ZNF862: variants seen among roughly 807,000 people sequenced by gnomAD.
ZNF862 encodes zinc finger protein 862.
A neutral mutation model predicts 91.1 loss-of-function variants in ZNF862; 64 were observed. The observed-to-expected ratio is 0.70, with a 90% confidence interval of 0.57 to 0.87. The LOEUF is 0.87. Ranked by LOEUF, ZNF862 falls within the 40% of genes least tolerant of loss-of-function variation. ZNF862 has a pLI of 0.00. For missense variants in ZNF862, 1,459 were observed against 1,528.0 expected, an observed-to-expected ratio of 0.95 and a Z score of 0.75; for synonymous variants, 631 against 618.1, an observed-to-expected ratio of 1.02 and a Z score of -0.31.
chr7:149,854,577 G>T (rs1397953850), intron 5 of ZNF862, among the ~76,000 whole-genome samples: 4 of 152,216 alleles, frequency 2.6e-5, no homozygotes, highest in Non-Finnish European at 5.9e-5. Context: ...AACTCTGCAG[G>T]TGGGGAGTCC....
intron 6 of ZNF862, 140 bp from the exon 7 acceptor site, chr7:149,860,243 A>C (rs1802414752): frequency 2.6e-6 from 2 of 764,676 alleles, no homozygotes; most frequent in South Asian, 3.8e-5. Context: ...AGTGGACGCC[A>C]CTTTCTCTAG....
rs1397093707 is a variant in ZNF862 at position 149,861,854 on chromosome 7, G to T, written c.2694G>T (p.Lys898Asn). 1 of 1,613,756 alleles carries T rather than the reference G, an allele frequency of 6.2e-7. No individual in the cohort carries two copies. Among genetic ancestry groups the T allele is most frequent in the East Asian group, 2.2e-5 (1 of 44,852 alleles). The change falls in exon 7 of 8, where the codon AAG (lysine) becomes AAT (asparagine). Residue 898 changes from lysine (K) to asparagine (N), a missense_variant. Coordinates refer to ENST00000223210, the MANE Select transcript of ZNF862 (RefSeq NM_001099220.3). This position sits in a 1 kb window ranked among gnomAD's most constrained non-coding sequence, Gnocchi z 6.7. ...PKEEEFNASF[K>N]DGRLHGICLD... Reference sequence around the variant, plus strand: ...AGGAAGAATTCAACGCCAGCTTCAAGGATGGGCGGCTCCACGGCATCTGCT... The same window carrying T: ...AGGAAGAATTCAACGCCAGCTTCAATGATGGGCGGCTCCACGGCATCTGCT...
At chr7:149,840,225 AAATACAAAACCTCAT>A (rs1327620211) in intron 1 of ZNF862, among the ~76,000 whole-genome samples, 2 of 150,396 alleles carry the variant, frequency 1.3e-5, no homozygotes, top group Non-Finnish European at 3.0e-5. Context: ...AAAAATTTAA[AAATACAAAACCTCAT>A]AGAATTAGAA....
chr7:149,847,694 A>G (rs751479538), intron 3 of ZNF862, 41 bp from the exon 4 acceptor site: 9 of 1,500,488 alleles, frequency 6.0e-6, no homozygotes, highest in Admixed American at 4.2e-5. Context: ...GGCTCTAACT[A>G]TAGGATTTTA....
Position 149,838,519 on chromosome 7 carries a change from C to T in ZNF862, c.-93C>T. The T allele has an allele frequency of 7.6e-6, 7 of 917,778 alleles. No individual in the cohort carries two copies. The highest frequency in any genetic ancestry group is 1.7e-5 in the African/African-American group (1 of 58,796). 56.9% of individuals were successfully genotyped at this position (917,778 alleles called of 1,614,324 possible). A position where few individuals can be genotyped will look rare whatever the true frequency, so the allele number is the denominator to read the frequency against. On this transcript the variant is annotated 5_prime_UTR_variant, in exon 1 of 8. Coordinates refer to ENST00000223210, the MANE Select transcript of ZNF862 (RefSeq NM_001099220.3). Reference sequence around the variant, plus strand: ...TCCCTACCTGGGTGCCCTCCCCCTCCGGGAGCCTGGGTCCCCGGGGCGGTC... The same window carrying T: ...TCCCTACCTGGGTGCCCTCCCCCTCTGGGAGCCTGGGTCCCCGGGGCGGTC...
intron 7 of ZNF862, among the ~76,000 whole-genome samples, chr7:149,863,883 T>G (rs960132889): frequency 3.3e-5 from 5 of 152,208 alleles, no homozygotes; most frequent in African/African-American, 1.2e-4. Context: ...CTCCAGACAT[T>G]GGCAAATGGC....
intron 1 of ZNF862, chr7:149,841,742 T>C (rs1344912887): frequency 1.0e-6 from 1 of 985,312 alleles, no homozygotes; most frequent in African/African-American, 1.7e-5. Context: ...CGTTTCTGTT[T>C]CTTGGCCCTC....
At position 149,838,648 on chromosome 7, in the gene ZNF862, G is replaced by A. The variant is rs1801601186; in HGVS notation, c.24+13G>A. On this transcript the variant is annotated intron_variant, in intron 1 of 7. Transcript: ENST00000223210. ...AGAGTCGGGGAAGGTAGGACTGGAA[G>A]GCCCGGGGGCCGCCCGCTCCCTCCC... is the stretch of plus-strand genomic sequence containing the variant. The A allele has an allele frequency of 3.3e-6, 4 of 1,223,596 alleles. No homozygotes were observed. The highest frequency in any genetic ancestry group is 4.1e-6 in the Non-Finnish European group (4 of 975,974). 75.8% of individuals were successfully genotyped at this position (1,223,596 alleles called of 1,614,324 possible). A position where few individuals can be genotyped will look rare whatever the true frequency, so the allele number is the denominator to read the frequency against.
intron 5 of ZNF862, among the ~76,000 whole-genome samples, chr7:149,854,796 G>A (rs896994314): frequency 3.3e-5 from 5 of 152,212 alleles, no homozygotes; most frequent in African/African-American, 7.2e-5. Context: ...TGCTCAGGCC[G>A]GCAGCAGTGT....
intron 7 of ZNF862, among the ~76,000 whole-genome samples, chr7:149,863,778 C>G (rs1386214683): frequency 6.6e-6 from 1 of 152,174 alleles, no homozygotes; most frequent in Admixed American, 6.5e-5. Context: ...CCTTCCTGTT[C>G]ACTGTGGGAA....
intron 1 of ZNF862, among the ~76,000 whole-genome samples, chr7:149,842,980 T>G (rs1252576537): frequency 6.6e-6 from 1 of 152,210 alleles, no homozygotes; most frequent in Non-Finnish European, 1.5e-5. Context: ...GGCAGTACAA[T>G]TCCATTTTTG....
chr7:149,841,063 T>C (rs1801685749), intron 1 of ZNF862: 3 of 985,434 alleles, frequency 3.0e-6, no homozygotes, highest in Non-Finnish European at 3.6e-6. Flanking sequence ...TTCCCAAAGA[T>C]AGTTGTTTTC....
chr7:149,862,622 G>A (rs1228258131), intron 7 of ZNF862, 128 bp downstream of exon 7: 20 of 1,041,546 alleles, frequency 1.9e-5, no homozygotes, highest in East Asian at 5.2e-5. Flanking sequence ...GTGGGTACTC[G>A]ATGCGTGACA....
In ZNF862 at chr7:149,841,396, C is replaced by T. The variant is rs898504995; in HGVS notation, c.24+2761C>T. On this transcript the variant is annotated intron_variant, in intron 1 of 7. Transcript: ENST00000223210. ...AATAATGGATAAGGGTCAGACTTTTCCCCATCATGTTCTATCCCATGATCC... is the reference window on the plus strand; with the variant it reads ...AATAATGGATAAGGGTCAGACTTTTTCCCATCATGTTCTATCCCATGATCC... 6.1e-6 allele frequency: 6 copies of T among 985,184 alleles called. No individual in the cohort carries two copies. In the Admixed American group the frequency reaches 3.7e-4, roughly 61 times the overall value. 61.0% of individuals were successfully genotyped at this position (985,184 alleles called of 1,614,324 possible). A position where few individuals can be genotyped will look rare whatever the true frequency, so the allele number is the denominator to read the frequency against.
rs1801813515 is a variant in ZNF862, at chr7:149,844,706, T to C, written c.106T>C (p.Cys36Arg). The C allele has an allele frequency of 1.3e-6, 2 of 1,597,434 alleles. No homozygotes were observed. The highest frequency in any genetic ancestry group is 1.7e-5 in the Admixed American group (1 of 57,692). The change falls in exon 2 of 8, where the codon TGT becomes CGT. Residue 36 changes from cysteine to arginine, a missense_variant. Physicochemically the swap from Cys to Arg is radical, Grantham distance 180. Coordinates refer to ENST00000223210, the MANE Select transcript of ZNF862 (RefSeq NM_001099220.3). ...VLLSQQQKEL[C>R]GSNKLVAPLG... is the part of the protein sequence containing the mutation. ...GCTGAGCCAGCAACAGAAGGAGCTC[T>C]GTGGTTCCAACAAGCTGGTGGCACC...
chr7:149,855,490 G>A lies in ZNF862; in HGVS notation c.1118-3932G>A, dbSNP rs773429621. Reference sequence around the variant, plus strand: ...CTGACTCATCCTCAGTGGGAATGGCGTTGGTGGGTGGGAGAGGTATAAGAA... The same window carrying A: ...CTGACTCATCCTCAGTGGGAATGGCATTGGTGGGTGGGAGAGGTATAAGAA... On this transcript the variant is annotated intron_variant, in intron 5 of 7. Transcript: ENST00000223210. The surrounding 1 kb of genome is among the most constrained non-coding windows in gnomAD (Gnocchi z 4.1). Among the ~76,000 whole-genome samples the A allele has an allele frequency of 4.1e-4, 63 of 152,308 alleles. No homozygotes were observed. The highest frequency in any genetic ancestry group is 3.3e-3 in the Admixed American group (50 of 15,302).
At chr7:149,846,103 A>C in intron 2 of ZNF862, 48 bp from the exon 3 acceptor site, 1 of 1,423,098 alleles carries the variant, frequency 7.0e-7, no homozygotes, top group Non-Finnish European at 9.8e-7. Context: ...CCAGGTCTTC[A>C]TAGTGCTTTT....
intron 1 of ZNF862, chr7:149,840,785 CAT>C (rs1294837877): frequency 4.5e-6 from 1 of 221,358 alleles, no homozygotes; most frequent in Non-Finnish European, 7.6e-6. Flanking sequence ...GGCTATATAC[CAT>C]ATAGCCTAGA....
chr7:149,842,017 C>G (rs1400669652), intron 1 of ZNF862, among the ~76,000 whole-genome samples: 2 of 152,178 alleles, frequency 1.3e-5, no homozygotes, highest in African/African-American at 4.8e-5. Context: ...GTTATAAAAT[C>G]AAGCAGCATA....
Sources: gnomAD v4.1 joint callset for allele counts (sites outside exome capture counted in the v4.1 genomes callset) on GRCh38, gnomAD v4.1.1 for gene constraint, Gnocchi (gnomAD v3.1) non-coding constraint, MANE v1.5 for transcripts, NCBI Gene and HGNC (gene_info 2026-07-23, HGNC 2026-07-21) for gene names.